Variants in EPHB4 observed in about 807,000 individuals in gnomAD.
The protein encoded by EPHB4 is ephrin type-B receptor 4.
Under a neutral mutation model 110.6 loss-of-function variants are expected in EPHB4, and 50 were observed. That is an observed-to-expected ratio of 0.45 (90% CI 0.36 to 0.57). EPHB4 has a LOEUF of 0.57. Ranked by LOEUF, EPHB4 falls within the 20% of genes least tolerant of loss-of-function variation. The probability of loss-of-function intolerance (pLI) is 0.00; values close to 1 mark genes in which losing one functional copy is unlikely to be tolerated. For missense variants in EPHB4, 1,128 were observed against 1,382.1 expected, an observed-to-expected ratio of 0.82 and a Z score of 2.91; for synonymous variants, 592 against 578.4, an observed-to-expected ratio of 1.02 and a Z score of -0.34.
rs1279971868 is a variant in EPHB4 at position 100,819,761 on chromosome 7, G to A, written c.1093C>T (p.Arg365Ter). ...LTYALRCREC[R>*]PGGSCAPCGG... ...CAGGGCGCACAGGAGCCTCCGGGTC[G>A]GCACTCCCGGCAGCGGAGGGCGTAG... Residue 365 changes from arginine (R) to a stop codon, truncating the protein, a stop_gained, in exon 6 of 17, where the codon CGA becomes TGA. Coordinates refer to ENST00000358173, the MANE Select transcript of EPHB4 (RefSeq NM_004444.5). LOFTEE classifies it high-confidence loss of function. The A allele has an allele frequency of 3.8e-6, 6 of 1,599,384 alleles. No individual in the cohort carries two copies. Among genetic ancestry groups the A allele is most frequent in the African/African-American group, 1.3e-5 (1 of 74,610 alleles).
chr7:100,812,338 C>T (rs1049889642), intron 12 of EPHB4, among the ~76,000 whole-genome samples: 3 of 152,060 alleles, frequency 2.0e-5, no homozygotes, highest in Admixed American at 6.6e-5. Context: ...ACCTGTAATA[C>T]CAGCACTTTG....
At chr7:100,807,138 T>C (rs937591066) in intron 13 of EPHB4, among the ~76,000 whole-genome samples, 77 of 152,256 alleles carry the variant, frequency 5.1e-4, no homozygotes, top group Non-Finnish European at 8.1e-4. Flanking sequence ...AATCTTTTAA[T>C]TTTTTTGTAG....
At chr7:100,824,402 G>A (rs1277077673) in intron 1 of EPHB4, 129 bp from the exon 2 acceptor site, 1 of 972,364 alleles carries the variant, frequency 1.0e-6, no homozygotes, top group African/African-American at 1.6e-5. Context: ...GGCCAAGAGG[G>A]GAGCAAGCCC....
intron 8 of EPHB4, among the ~76,000 whole-genome samples, chr7:100,815,289 C>G (rs1168694328): frequency 6.6e-6 from 1 of 151,320 alleles, no homozygotes; most frequent in Admixed American, 6.6e-5. Flanking sequence ...AACCACTGCA[C>G]TCCAGCCTGG....
intron 6 of EPHB4, 99 bp downstream of exon 6, chr7:100,819,458 T>C: frequency 7.2e-7 from 1 of 1,383,102 alleles, no homozygotes; most frequent in Non-Finnish European, 9.8e-7. Context: ...CCCTCACACT[T>C]CCGGGGTACC....
chr7:100,807,588 G>A lies in EPHB4; in HGVS notation c.2119-8C>T, dbSNP rs1437952108. 1.2e-6 allele frequency: 2 copies of A among 1,611,562 alleles called. No homozygotes were observed. The highest frequency in any genetic ancestry group is 1.7e-5 in the Admixed American group (1 of 59,954). ...GAACTGTCCGTCGTTTAGCTGGAGAGCAGATAGGGTGGGGGCTTGGTGAGG... is the reference window on the plus strand; with the variant it reads ...GAACTGTCCGTCGTTTAGCTGGAGAACAGATAGGGTGGGGGCTTGGTGAGG... On this transcript the variant is annotated splice_polypyrimidine_tract_variant and splice_region_variant and intron_variant, in intron 12 of 16. Transcript: ENST00000358173.
In EPHB4 at chr7:100,822,340, C is replaced by T. The variant is rs1469047205; in HGVS notation, c.739G>A (p.Glu247Lys). 2.5e-5 allele frequency: 39 copies of T among 1,567,848 alleles called. No individual in the cohort carries two copies. Among genetic ancestry groups the T allele is most frequent in the South Asian group, 1.0e-4 (9 of 86,164 alleles). ...CAGCTGCAGCCCGTGACCGGCTGTTCGGCCCACTGGCCATCCTCACGGCAG... is the reference window on the plus strand; with the variant it reads ...CAGCTGCAGCCCGTGACCGGCTGTTTGGCCCACTGGCCATCCTCACGGCAG... The part of the protein sequence containing the change: ...LYCREDGQWA[E>K]QPVTGCSCAP... Residue 247 changes from glutamate to lysine, a missense_variant, in exon 4 of 17, where the codon GAA (glutamate) becomes AAA (lysine). By Grantham distance (56) the Glu-to-Lys change is moderately conservative. Coordinates refer to ENST00000358173, the MANE Select transcript of EPHB4 (RefSeq NM_004444.5). The surrounding 1 kb of genome is among the most constrained non-coding windows in gnomAD (Gnocchi z 4.7).
At chr7:100,811,893 C>T (rs952414013) in intron 12 of EPHB4, among the ~76,000 whole-genome samples, 7 of 151,332 alleles carry the variant, frequency 4.6e-5, no homozygotes, top group African/African-American at 7.3e-5. Flanking sequence ...AAAAATTGGC[C>T]GGGCGCGGTG....
In EPHB4 at chr7:100,820,209, G is replaced by A. The variant is rs964985310; in HGVS notation, c.896C>T (p.Ser299Leu). The A allele has an allele frequency of 3.1e-6, 5 of 1,614,162 alleles. No homozygotes were observed. The Admixed American group carries it at 8.3e-5, about 27-fold the overall frequency. ...PANSHSNTIGSAVCQCRVGYF... is the reference protein window; with the variant it reads ...PANSHSNTIGLAVCQCRVGYF... Reference sequence around the variant, plus strand: ...CCCGACGCGGCACTGGCAGACGGCTGATCCAATGGTGTTAGAGTGGCTATT... The same window carrying A: ...CCCGACGCGGCACTGGCAGACGGCTAATCCAATGGTGTTAGAGTGGCTATT... The change falls in exon 5 of 17, where the codon TCA becomes TTA. Residue 299 changes from serine (S) to leucine (L), a missense_variant. By Grantham distance (145) the Ser-to-Leu change is moderately radical. Around this residue, in one of 3 missense-constraint regions of EPHB4, gnomAD observed 728 missense variants for 828.6 expected, o/e 0.88. Coordinates refer to ENST00000358173, the MANE Select transcript of EPHB4 (RefSeq NM_004444.5).
Position 100,805,639 on chromosome 7 carries a change from G to A in EPHB4, c.2540C>T (p.Thr847Ile). 6.4e-7 allele frequency: 1 copy of A among 1,551,420 alleles called. No homozygotes were observed. The highest frequency in any genetic ancestry group is 8.7e-7 in the Non-Finnish European group (1 of 1,151,774). The change falls in exon 15 of 17, where the codon ACC (threonine) becomes ATC (isoleucine). Residue 847 changes from threonine to isoleucine, a missense_variant. This residue lies in a region of EPHB4 where 209 missense variants were observed against 240.5 expected (regional missense o/e 0.87). Coordinates refer to ENST00000358173, the MANE Select transcript of EPHB4 (RefSeq NM_004444.5). ...YRLPPPPDCP[T>I]SLHQLMLDCW... The stretch of plus-strand genomic sequence containing the variant: ...GTCCAGCATGAGCTGGTGGAGGGAG[G>A]TGGGACAGTCTGGGGGCGGGGGCAG...
rs567091701 is a variant in EPHB4 at position 100,815,180 on chromosome 7, G to C, written c.1589-1159C>G. On this transcript the variant is annotated intron_variant, in intron 8 of 16. Transcript: ENST00000358173. ...CAAAAAATACCAAAAAAAATTAGCT[G>C]GGCATGGTGGCTCATGCCTACAGTC... Among the ~76,000 whole-genome samples the C allele has an allele frequency of 1.2e-3, 187 of 151,284 alleles. No homozygotes were observed. In the Middle Eastern group the frequency reaches 0.018, roughly 14 times the overall value.
At chr7:100,814,120 TC>T in intron 8 of EPHB4, 99 bp from the exon 9 acceptor site, 1 of 1,332,756 alleles carries the variant, frequency 7.5e-7, no homozygotes. Context: ...TGAGAACAGG[TC>T]CCCAGTACAG....
At chr7:100,805,454 G>C (rs1417576692) in intron 15 of EPHB4, 47 bp downstream of exon 15, 1 of 1,538,610 alleles carries the variant, frequency 6.5e-7, no homozygotes, top group Admixed American at 2.0e-5. Flanking sequence ...TGGGCAAGGA[G>C]TGGGGGCAGA....
At chr7:100,824,024 A>G in intron 2 of EPHB4, 93 bp from the exon 3 acceptor site, 4 of 1,511,918 alleles carry the variant, frequency 2.6e-6, no homozygotes, top group Non-Finnish European at 3.6e-6. Context: ...GGACTGAGAA[A>G]GGGGGGCTGC....
At chr7:100,826,853 A>G (rs1159999838) in intron 1 of EPHB4, 126 bp downstream of exon 1, 7 of 720,058 alleles carry the variant, frequency 9.7e-6, no homozygotes, top group Middle Eastern at 3.0e-4. Flanking sequence ...TATCGGTCCG[A>G]AGTGTTTGGG....
Position 100,817,199 on chromosome 7 carries a change from T to C in EPHB4, c.1581A>G (p.Gln527=), listed in dbSNP as rs1446098142. The C allele has an allele frequency of 1.9e-6, 3 of 1,557,612 alleles. No homozygotes were observed. The highest frequency in any genetic ancestry group is 2.4e-5 in the South Asian group (2 of 84,016). ...CCCCTTCCCCAGGCTCACCATCCAG[T>C]TGGGTCTGGCTGTGATGTTCCTGGC... ...PFGQEHHSQT[Q]LDESEGWREQ... Residue 527 remains glutamine, a synonymous_variant, in exon 8 of 17, where the codon CAA becomes CAG. Transcript: ENST00000358173.
chr7:100,808,358 A>AT (rs959528896), intron 12 of EPHB4, among the ~76,000 whole-genome samples: 54 of 152,210 alleles, frequency 3.5e-4, no homozygotes, highest in African/African-American at 1.0e-3. Context: ...AGCTGGGACT[A>AT]TAGGTGCACA....
intron 3 of EPHB4, among the ~76,000 whole-genome samples, chr7:100,823,307 A>G (rs1275236647): frequency 6.6e-6 from 1 of 152,086 alleles, no homozygotes; most frequent in Non-Finnish European, 1.5e-5. Context: ...TGGAGACATC[A>G]CCGCTGCAAA....
rs764440077 is a variant in EPHB4 at position 100,812,748 on chromosome 7, C to T, written c.2117G>A (p.Arg706Gln). 1.3e-5 allele frequency: 21 copies of T among 1,612,298 alleles called. No individual in the cohort carries two copies. The highest frequency in any genetic ancestry group is 5.0e-5 in the Admixed American group (3 of 59,984). The change falls in exon 12 of 17, where the codon CGG becomes CAG. Residue 706 changes from arginine to glutamine, a missense_variant and splice_region_variant. Physicochemically the swap from Arg to Gln is conservative, Grantham distance 43 (BLOSUM62 1). Coordinates refer to ENST00000358173, the MANE Select transcript of EPHB4 (RefSeq NM_004444.5). ...GCAGAAGCCAGGGAGGGTGCTCACCCGCAGGAAGGAGTCCAGGGCGCCGTT... is the reference window on the plus strand; with the variant it reads ...GCAGAAGCCAGGGAGGGTGCTCACCTGCAGGAAGGAGTCCAGGGCGCCGTT... Reference protein sequence around the residue: ...MENGALDSFLRLNDGQFTVIQ... With the variant: ...MENGALDSFLQLNDGQFTVIQ...
Sources: gnomAD v4.1 joint callset for allele counts (sites outside exome capture counted in the v4.1 genomes callset) on GRCh38, gnomAD v4.1.1 for gene constraint, gnomAD v4.1.1 regional missense constraint, Gnocchi (gnomAD v3.1) non-coding constraint, MANE v1.5 for transcripts, NCBI Gene and HGNC (gene_info 2026-07-23, HGNC 2026-07-21) for gene names.